KHDRBS2: variants seen among roughly 807,000 people sequenced by gnomAD.
The protein encoded by KHDRBS2 is KH RNA binding domain containing, signal transduction associated 2.
In KHDRBS2, 26 loss-of-function variants were observed where a neutral mutation model predicts 44.3. That is an observed-to-expected ratio of 0.59 (90% CI 0.43 to 0.81). KHDRBS2 has a LOEUF of 0.81. KHDRBS2 is among the 40% of genes least tolerant of loss of function. The pLI, the probability that KHDRBS2 is intolerant of heterozygous loss-of-function variation, is 0.00. For missense variants in KHDRBS2, 476 were observed against 433.1 expected (o/e 1.10, Z -0.88); for synonymous variants, 194 against 151.1 (o/e 1.28, Z -2.08).
intron 7 of KHDRBS2, among the ~76,000 whole-genome samples, chr6:61,715,599 T>C (rs1283369260): frequency 6.6e-6 from 1 of 152,008 alleles, no homozygotes; most frequent in African/African-American, 2.4e-5. Context: ...CTTGTAATAC[T>C]TTCTCTTCAC....
chr6:62,105,133 T>C (rs1449241585), intron 2 of KHDRBS2, among the ~76,000 whole-genome samples: 2 of 151,454 alleles, frequency 1.3e-5, no homozygotes, highest in Non-Finnish European at 1.5e-5. Flanking sequence ...AATGAGCTTT[T>C]AGTTAAACAT....
intron 1 of KHDRBS2, among the ~76,000 whole-genome samples, chr6:62,277,529 A>C (rs1442332821): frequency 6.6e-6 from 1 of 152,022 alleles, no homozygotes; most frequent in Admixed American, 6.6e-5. Context: ...TTTTTAGTAG[A>C]GATGGGGTTT....
chr6:62,190,039 G>A (rs1824271803), intron 1 of KHDRBS2, among the ~76,000 whole-genome samples: 1 of 152,086 alleles, frequency 6.6e-6, no homozygotes, highest in African/African-American at 2.4e-5. Flanking sequence ...GATCGCCAAG[G>A]ACTGAGCCCA....
chr6:62,088,742 C>T (rs1231272713), intron 2 of KHDRBS2, among the ~76,000 whole-genome samples: 11 of 152,090 alleles, frequency 7.2e-5, no homozygotes, highest in African/African-American at 2.4e-4. Context: ...TAGCAGAGCT[C>T]GAGTGCTGTG....
the KHDRBS2 span, among the ~76,000 whole-genome samples, chr6:61,669,722 T>C: frequency 2.6e-5 from 4 of 150,998 alleles, no homozygotes; most frequent in Admixed American, 6.6e-5. Flanking sequence ...CATAATTCTA[T>C]GAGTATGTAC....
At chr6:62,202,720 C>A (rs1333309957) in intron 1 of KHDRBS2, among the ~76,000 whole-genome samples, 4 of 151,984 alleles carry the variant, frequency 2.6e-5, no homozygotes, top group South Asian at 4.2e-4. Context: ...AAGTCATGAT[C>A]ATGGTAAGTG....
intron 1 of KHDRBS2, among the ~76,000 whole-genome samples, chr6:62,279,912 T>A (rs1432741180): frequency 3.3e-5 from 5 of 152,176 alleles, no homozygotes; most frequent in African/African-American, 1.2e-4. Context: ...CACCATCACA[T>A]ACCAGGCACT....
intron 6 of KHDRBS2, among the ~76,000 whole-genome samples, chr6:61,774,606 C>T (rs908097198): frequency 6.6e-6 from 1 of 152,116 alleles, no homozygotes; most frequent in African/African-American, 2.4e-5. Flanking sequence ...GAAGTTGAAT[C>T]TCTGAATAGA....
At chr6:62,146,582 T>G (rs1361549197) in intron 2 of KHDRBS2, among the ~76,000 whole-genome samples, 1 of 151,908 alleles carries the variant, frequency 6.6e-6, no homozygotes, top group Non-Finnish European at 1.5e-5. Context: ...GTAAAATATG[T>G]TCTCTACTAC....
chr6:61,779,530 T>C (rs1203745028), intron 6 of KHDRBS2, among the ~76,000 whole-genome samples: 2 of 152,186 alleles, frequency 1.3e-5, no homozygotes, highest in Non-Finnish European at 2.9e-5. Context: ...TATACTTTCC[T>C]TAAATGGATT....
the KHDRBS2 span, among the ~76,000 whole-genome samples, chr6:61,615,566 T>C: frequency 6.6e-6 from 1 of 152,188 alleles, no homozygotes; most frequent in Non-Finnish European, 1.5e-5. Context: ...TCTTTTTCCT[T>C]GGAAATACCT....
intron 4 of KHDRBS2, among the ~76,000 whole-genome samples, chr6:61,955,986 G>A (rs967270800): frequency 3.9e-5 from 6 of 152,062 alleles, no homozygotes; most frequent in Middle Eastern, 3.4e-3. Context: ...GATCTCATAC[G>A]TATTGAGATC....
At chr6:62,083,091 C>A (rs1399748185) in intron 2 of KHDRBS2, among the ~76,000 whole-genome samples, 1 of 152,116 alleles carries the variant, frequency 6.6e-6, no homozygotes, top group Non-Finnish European at 1.5e-5. Flanking sequence ...TGTTTTCCCA[C>A]CCAAATGTTG....
At chr6:62,030,509 T>A (rs535711288) in intron 3 of KHDRBS2, among the ~76,000 whole-genome samples, 1 of 152,192 alleles carries the variant, frequency 6.6e-6, no homozygotes, top group African/African-American at 2.4e-5. Flanking sequence ...TGAATATTGG[T>A]ACCTTCATTT....
At chr6:61,767,754 CTAATAA>C (rs1780220033) in intron 6 of KHDRBS2, among the ~76,000 whole-genome samples, 1 of 152,132 alleles carries the variant, frequency 6.6e-6, no homozygotes, top group Non-Finnish European at 1.5e-5. Flanking sequence ...AAAGAGAAAA[CTAATAA>C]TAACTCTACA....
intron 3 of KHDRBS2, among the ~76,000 whole-genome samples, chr6:62,046,860 C>T (rs1296139480): frequency 6.6e-6 from 1 of 151,800 alleles, no homozygotes; most frequent in Admixed American, 6.6e-5. Context: ...AAAAATCATT[C>T]CGTCTGTGAC....
chr6:61,634,610 A>T, the KHDRBS2 span, among the ~76,000 whole-genome samples: 1 of 152,060 alleles, frequency 6.6e-6, no homozygotes, highest in Non-Finnish European at 1.5e-5. Flanking sequence ...AATTCTCCCC[A>T]TGATTTTTGA....
intron 6 of KHDRBS2, among the ~76,000 whole-genome samples, chr6:61,766,334 A>G (rs1293537186): frequency 1.3e-5 from 2 of 148,342 alleles, no homozygotes; most frequent in African/African-American, 5.0e-5. Context: ...GTCCTTTTTC[A>G]CCTCTGATTT....
intron 2 of KHDRBS2, among the ~76,000 whole-genome samples, chr6:62,105,905 G>C (rs925549976): frequency 3.3e-5 from 5 of 152,056 alleles, no homozygotes; most frequent in African/African-American, 4.8e-5. Context: ...GCTTTCTCTT[G>C]TGGGCATTTA....
Sources: allele counts gnomAD v4.1 joint callset (sites outside exome capture counted in the v4.1 genomes callset), GRCh38; gene constraint gnomAD v4.1.1; transcripts MANE v1.5; gene names NCBI Gene and HGNC (gene_info 2026-07-23, HGNC 2026-07-21).